SASH1: variants seen among roughly 807,000 people sequenced by gnomAD.
SASH1 encodes SAM and SH3 domain containing 1, also known as SAM and SH3 domain-containing protein 1.
A neutral mutation model predicts 125.2 loss-of-function variants in SASH1; 44 were observed. That is an observed-to-expected ratio of 0.35 (90% CI 0.28 to 0.45). The LOEUF is 0.45. Ranked by LOEUF, SASH1 falls within the 20% of genes least tolerant of loss-of-function variation. The pLI, the probability that SASH1 is intolerant of heterozygous loss-of-function variation, is 1.00. For missense variants in SASH1, 1,426 were observed against 1,614.5 expected (o/e 0.88, Z 2.00); for synonymous variants, 639 against 649.1 (o/e 0.98, Z 0.24).
chr6:148,513,526 G>A, intron 8 of SASH1: 4 of 985,498 alleles, frequency 4.1e-6, no homozygotes, highest in Non-Finnish European at 4.8e-6. Flanking sequence ...ATTGTTTTTA[G>A]CCTGGGTCAC....
chr6:148,493,455 CTTTTCTG>C (rs1779192374), intron 8 of SASH1, among the ~76,000 whole-genome samples: 1 of 152,168 alleles, frequency 6.6e-6, no homozygotes, highest in Non-Finnish European at 1.5e-5. Flanking sequence ...AGAGCCGGAG[CTTTTCTG>C]TTTTCTATCG....
upstream of SASH1, among the ~76,000 whole-genome samples, chr6:148,337,872 G>A (rs550183247): frequency 4.6e-5 from 7 of 152,234 alleles, no homozygotes; most frequent in Admixed American, 1.3e-4. Context: ...TGTTTATTAT[G>A]AGCCACAGAA....
intron 1 of SASH1, among the ~76,000 whole-genome samples, chr6:148,317,442 G>A (rs765315138): frequency 6.6e-6 from 1 of 152,200 alleles, no homozygotes; most frequent in Non-Finnish European, 1.5e-5. Flanking sequence ...TGTTGTTTTT[G>A]AGATGGAGTT....
intron 19 of SASH1, among the ~76,000 whole-genome samples, chr6:148,547,712 C>T (rs1782650125): frequency 6.6e-6 from 1 of 152,146 alleles, no homozygotes; most frequent in Admixed American, 6.5e-5. Flanking sequence ...TTTTCATACT[C>T]GTTAGCAAAT....
Position 148,364,397 on chromosome 6 carries a change from G to A in SASH1, c.156+21174G>A, listed in dbSNP as rs187823431. 3.0e-3 allele frequency among the ~76,000 whole-genome samples: 461 copies of A among 152,244 alleles called. 2 individuals carry two copies. The highest frequency in any genetic ancestry group is 5.4e-3 in the Non-Finnish European group (364 of 68,026). ...CACTCACCATTAGCTGTGGGAAGTCGATGGGGTGTGTGGAGAGGACCATAC... is the reference window on the plus strand; with the variant it reads ...CACTCACCATTAGCTGTGGGAAGTCAATGGGGTGTGTGGAGAGGACCATAC... On this transcript the variant is annotated intron_variant, in intron 1 of 19. Coordinates refer to ENST00000367467, the MANE Select transcript of SASH1 (RefSeq NM_015278.5).
At chr6:148,317,418 A>G (rs574206619) in intron 1 of SASH1, among the ~76,000 whole-genome samples, 168 of 152,280 alleles carry the variant, frequency 1.1e-3, no homozygotes, top group African/African-American at 3.7e-3. Context: ...AATATTGAGG[A>G]AAAAAATTTT....
chr6:148,508,815 G>C (rs183910327), intron 8 of SASH1: 303 of 676,428 alleles, frequency 4.5e-4, no homozygotes, highest in Non-Finnish European at 6.5e-4. Context: ...CGAGTGGGGA[G>C]GGGGGTGGGA....
At chr6:148,449,916 A>G (rs1459501851) in intron 4 of SASH1, among the ~76,000 whole-genome samples, 2 of 152,142 alleles carry the variant, frequency 1.3e-5, no homozygotes. Context: ...TTCCATGGAA[A>G]TTAATCCAGG....
intron 1 of SASH1, among the ~76,000 whole-genome samples, chr6:148,374,168 A>G (rs1337527065): frequency 6.6e-6 from 1 of 152,246 alleles, no homozygotes; most frequent in African/African-American, 2.4e-5. Context: ...CAGAGAAGAA[A>G]GTGAAATTAC....
chr6:148,484,100 G>C (rs1778738745), intron 7 of SASH1, among the ~76,000 whole-genome samples: 1 of 152,170 alleles, frequency 6.6e-6, no homozygotes, highest in Non-Finnish European at 1.5e-5. Flanking sequence ...AGAAAGAAAT[G>C]AATTTAAAAA....
chr6:148,524,114 TATATA>T (rs1466801774), intron 10 of SASH1, among the ~76,000 whole-genome samples: 48 of 85,644 alleles, frequency 5.6e-4, no homozygotes, highest in Middle Eastern at 4.8e-3. Context: ...TATATATATA[TATATA>T]TATTTTTTTT....
At chr6:148,219,515 T>G in the SASH1 span, among the ~76,000 whole-genome samples, 1 of 152,184 alleles carries the variant, frequency 6.6e-6, no homozygotes, top group Admixed American at 6.5e-5. Context: ...CCCTAGTCCT[T>G]TAACACGCCT....
At chr6:148,452,712 C>T (rs1349077419) in intron 4 of SASH1, among the ~76,000 whole-genome samples, 1 of 152,156 alleles carries the variant, frequency 6.6e-6, no homozygotes, top group East Asian at 1.9e-4. Flanking sequence ...TCCCCTCACC[C>T]CCTCTGTAAT....
intron 1 of SASH1, among the ~76,000 whole-genome samples, chr6:148,358,829 G>A (rs1293875919): frequency 7.2e-6 from 1 of 139,050 alleles, no homozygotes; most frequent in Non-Finnish European, 1.5e-5. Context: ...TCCGCCTCCC[G>A]GGTTCACGCC....
the SASH1 span, among the ~76,000 whole-genome samples, chr6:148,244,681 T>C: frequency 6.6e-6 from 1 of 152,160 alleles, no homozygotes; most frequent in South Asian, 2.1e-4. Flanking sequence ...TTGCTGCTGT[T>C]GTTTCTCCTG....
At chr6:148,542,809 C>T (rs1322877011) in intron 17 of SASH1, among the ~76,000 whole-genome samples, 1 of 152,020 alleles carries the variant, frequency 6.6e-6, no homozygotes, top group Non-Finnish European at 1.5e-5. Context: ...AGGGTCAAAG[C>T]ACACAACAAA....
At chr6:148,424,473 C>T (rs1408147081) in intron 2 of SASH1, among the ~76,000 whole-genome samples, 1 of 152,024 alleles carries the variant, frequency 6.6e-6, no homozygotes, top group Admixed American at 6.6e-5. Flanking sequence ...TGTCCGCCCA[C>T]CTTGGCCTCC....
At position 148,349,252 on chromosome 6, in the gene SASH1, C is replaced by CTTTTTTTTTTTTTTT. The variant is rs11317386; in HGVS notation, c.156+6044_156+6058dup. 8.3e-4 allele frequency among the ~76,000 whole-genome samples: 39 copies of CTTTTTTTTTTTTTTT among 47,030 alleles called. 1 individual carries two copies. The highest frequency in any genetic ancestry group is 1.1e-3 in the South Asian group (1 of 928). The allele number at this position is 47,030 out of a possible 152,430, so 30.9% of individuals were successfully genotyped here. On this transcript the variant is annotated intron_variant, in intron 1 of 19. Coordinates refer to ENST00000367467, the MANE Select transcript of SASH1 (RefSeq NM_015278.5). ...TTATTTCATTCTTTCTTCTTTCTTT[C>CTTTTTTTTTTTTTTT]TTTTTTTTTTTTTTTTTTTTTTTTT...
chr6:148,359,324 G>GGTTTT (rs1277052462), intron 1 of SASH1, among the ~76,000 whole-genome samples: 2 of 74,214 alleles, frequency 2.7e-5, no homozygotes, highest in Admixed American at 1.2e-4. Flanking sequence ...GTGCTTGGCC[G>GGTTTT]GTTTTTTTTT....
Sources: allele counts gnomAD v4.1 joint callset (sites outside exome capture counted in the v4.1 genomes callset), GRCh38; gene constraint gnomAD v4.1.1; transcripts MANE v1.5; gene names NCBI Gene and HGNC (gene_info 2026-07-23, HGNC 2026-07-21).